Variants in DCBLD1 observed in about 807,000 individuals in gnomAD.
DCBLD1 encodes discoidin, CUB and LCCL domain containing 1.
In DCBLD1, 57 loss-of-function variants were observed where a neutral mutation model predicts 71.5. The ratio of observed to expected loss-of-function variants is 0.80; its 90% CI spans 0.64 to 0.99. The LOEUF (loss-of-function observed/expected upper bound fraction) is 0.99. DCBLD1 is among the 50% of genes least tolerant of loss of function. The probability of loss-of-function intolerance (pLI) is 0.00; values close to 1 mark genes in which losing one functional copy is unlikely to be tolerated. For missense variants in DCBLD1, 891 were observed against 923.5 expected, an observed-to-expected ratio of 0.96 and a Z score of 0.46; for synonymous variants, 380 against 363.8, an observed-to-expected ratio of 1.04 and a Z score of -0.51.
chr6:117,554,807 C>T (rs986592105), intron 14 of DCBLD1, among the ~76,000 whole-genome samples: 1 of 151,474 alleles, frequency 6.6e-6, no homozygotes, highest in Non-Finnish European at 1.5e-5. Flanking sequence ...GCAGGAGAAT[C>T]GCTTGAACCT....
At chr6:117,488,540 G>T (rs1777169469) in intron 1 of DCBLD1, among the ~76,000 whole-genome samples, 1 of 152,238 alleles carries the variant, frequency 6.6e-6, no homozygotes, top group East Asian at 1.9e-4. Context: ...AGCTACTAGG[G>T]AAGCTGAGGT....
chr6:117,531,720 G>T (rs934261632), intron 5 of DCBLD1, among the ~76,000 whole-genome samples: 1 of 152,116 alleles, frequency 6.6e-6, no homozygotes, highest in Non-Finnish European at 1.5e-5. Flanking sequence ...TGTGGTTTTG[G>T]TACCTTGATA....
chr6:117,548,078 C>T lies in DCBLD1; in HGVS notation c.1787C>T (p.Pro596Leu). 1 of 1,549,000 alleles carries T rather than the reference C, an allele frequency of 6.5e-7. No individual in the cohort carries two copies. Among genetic ancestry groups the T allele is most frequent in the Non-Finnish European group, 8.7e-7 (1 of 1,146,094 alleles). ...GAGTACGCGCTGCCCCTGGCGCCCC[C>T]GGAGCCCGAGTACGCCACGCCCATC... is the stretch of plus-strand genomic sequence containing the variant. ...RHEYALPLAP[P>L]EPEYATPIVE... The change falls in exon 15 of 15, where the codon CCG (proline) becomes CTG (leucine). Residue 596 changes from proline (P) to leucine (L), a missense_variant. Physicochemically the swap from Pro to Leu is moderately conservative, Grantham distance 98. Transcript: ENST00000338728.
chr6:117,534,264 A>G (rs1778815243), intron 6 of DCBLD1, among the ~76,000 whole-genome samples: 1 of 152,248 alleles, frequency 6.6e-6, no homozygotes. Flanking sequence ...ACACACACAT[A>G]TATATAACAT....
intron 1 of DCBLD1, 100 bp from the exon 2 acceptor site, chr6:117,503,667 C>A: frequency 7.6e-7 from 1 of 1,324,196 alleles, no homozygotes; most frequent in Non-Finnish European, 1.0e-6. Flanking sequence ...TGCCCAAAAA[C>A]AATAAAATAC....
At chr6:117,569,722 A>G in exon 15 of DCBLD1, 1 of 1,595,236 alleles carries the variant, frequency 6.3e-7, no homozygotes, top group Non-Finnish European at 8.5e-7. Context: ...TTGGAACACC[A>G]TGTTCTTTCC....
At chr6:117,550,567 C>T (rs1338766787), downstream of DCBLD1, among the ~76,000 whole-genome samples, 1 of 152,192 alleles carries the variant, frequency 6.6e-6, no homozygotes, top group East Asian at 1.9e-4. Flanking sequence ...TGAAGCTTTG[C>T]TCTGGGTTTT....
intron 1 of DCBLD1, among the ~76,000 whole-genome samples, chr6:117,490,186 A>G (rs79094853): frequency 0.031 from 4,646 of 152,288 alleles, 84 homozygotes; most frequent in Non-Finnish European, 0.038. Flanking sequence ...AATATTGTGT[A>G]GACACAAAAT....
intron 1 of DCBLD1, among the ~76,000 whole-genome samples, chr6:117,495,428 CTG>C (rs777187587): frequency 6.6e-6 from 1 of 152,162 alleles, no homozygotes; most frequent in Non-Finnish European, 1.5e-5. Context: ...ATGGTTGCCT[CTG>C]TGCTTGATAC....
intron 4 of DCBLD1, among the ~76,000 whole-genome samples, chr6:117,524,368 A>T (rs1778479930): frequency 6.6e-6 from 1 of 151,562 alleles, no homozygotes; most frequent in South Asian, 2.1e-4. Flanking sequence ...CACCGGGCTA[A>T]TTTTTTTGTA....
chr6:117,538,352 TC>T (rs1778970352), intron 7 of DCBLD1, among the ~76,000 whole-genome samples: 1 of 152,130 alleles, frequency 6.6e-6, no homozygotes, highest in African/African-American at 2.4e-5. Flanking sequence ...GAAAATAAAA[TC>T]TACAGTGGGG....
At chr6:117,563,496 T>C in intron 14 of DCBLD1, 1 of 951,826 alleles carries the variant, frequency 1.1e-6, no homozygotes, top group Non-Finnish European at 1.6e-6. Context: ...CCAAGGTGGG[T>C]GGATAACCTG....
At chr6:117,482,988 G>A (rs1327857959) in intron 1 of DCBLD1, 95 bp downstream of exon 1, 4 of 1,030,166 alleles carry the variant, frequency 3.9e-6, no homozygotes, top group East Asian at 1.4e-4. Context: ...GGGCTACGGG[G>A]CGGGCCGGGC....
At chr6:117,524,049 A>C (rs1342683599) in intron 4 of DCBLD1, among the ~76,000 whole-genome samples, 1 of 152,200 alleles carries the variant, frequency 6.6e-6, no homozygotes, top group Non-Finnish European at 1.5e-5. Flanking sequence ...AAGAGAGATT[A>C]TATGCAATAT....
chr6:117,501,567 C>T (rs138010770), intron 1 of DCBLD1, among the ~76,000 whole-genome samples: 1 of 152,186 alleles, frequency 6.6e-6, no homozygotes, highest in South Asian at 2.1e-4. Context: ...CTCCTGACTT[C>T]AGGTGATCCG....
rs2114603169 is a variant in DCBLD1, at chr6:117,566,781, TTC to T, written c.1616-2837_1616-2836del. On this transcript the variant is annotated intron_variant, in intron 14 of 14. Transcript: ENST00000296955. ...TCACAAAACAGTTTTACTGAAGAAA[TTC>T]TGAGGCCTTCACATTTTAAACATTT... 5.3e-6 allele frequency: 5 copies of T among 945,562 alleles called. No homozygotes were observed. In the East Asian group the frequency reaches 1.1e-4, roughly 21 times the overall value. The allele number at this position is 945,562 out of a possible 1,614,324, so 58.6% of individuals were successfully genotyped here. A position where few individuals can be genotyped will look rare whatever the true frequency, so the allele number is the denominator to read the frequency against.
chr6:117,512,605 C>T (rs1167510000), intron 2 of DCBLD1, among the ~76,000 whole-genome samples: 1 of 152,180 alleles, frequency 6.6e-6, no homozygotes, highest in African/African-American at 2.4e-5. Flanking sequence ...GAGCACAGAT[C>T]TGGGCCACGA....
intron 11 of DCBLD1, 54 bp downstream of exon 11, chr6:117,541,079 A>G (rs1313057313): frequency 6.4e-6 from 10 of 1,559,570 alleles, no homozygotes; most frequent in African/African-American, 2.7e-5. Context: ...TAACCCACCC[A>G]ATATCAGTAA....
chr6:117,492,047 A>G lies in DCBLD1; in HGVS notation c.112+9154A>G, dbSNP rs1777310762. ...ACTTTTAGTGATGCTCAGAATCACC[A>G]GTGACTTTAGGAAGTGATACATCGA... On this transcript the variant is annotated intron_variant, in intron 1 of 14. Transcript: ENST00000338728. 2.6e-5 allele frequency among the ~76,000 whole-genome samples: 4 copies of G among 152,228 alleles called. No homozygotes were observed. In the South Asian group the frequency reaches 8.3e-4, roughly 32 times the overall value.
Sources: gnomAD v4.1 joint callset for allele counts (sites outside exome capture counted in the v4.1 genomes callset) on GRCh38, gnomAD v4.1.1 for gene constraint, MANE v1.5 for transcripts, NCBI Gene and HGNC (gene_info 2026-07-23, HGNC 2026-07-21) for gene names.